The following DNAH14 variants were observed in gnomAD, a reference collection of about 807,000 sequenced individuals.
DNAH14 encodes the protein dynein axonemal heavy chain 14.
DNAH14 carries 478 observed loss-of-function variants against 520.9 expected under a neutral mutation model. That is an observed-to-expected ratio of 0.92 (90% CI 0.85 to 0.99). The LOEUF (loss-of-function observed/expected upper bound fraction) is 0.99, where lower values mean the gene tolerates loss of function less well. Ranked by LOEUF, DNAH14 falls within the 50% of genes least tolerant of loss-of-function variation. DNAH14 has a pLI of 0.00. For synonymous variants in DNAH14, 1,581 were observed against 1,757.2 expected (o/e 0.90, Z 2.51); for missense variants, 4,831 against 5,234.5 (o/e 0.92, Z 2.38).
At chr1:225,043,276 G>GGAA (rs373672094) in intron 13 of DNAH14, among the ~76,000 whole-genome samples, 162 bp downstream of exon 13, 48 of 98,170 alleles carry the variant, frequency 4.9e-4, no homozygotes, top group Non-Finnish European at 7.1e-4. Flanking sequence ...GTCTCTTGGG[G>GGAA]AAAAAAAAAA....
At chr1:225,009,691 T>C (rs2064532443) in intron 10 of DNAH14, among the ~76,000 whole-genome samples, 1 of 152,248 alleles carries the variant, frequency 6.6e-6, no homozygotes, top group Admixed American at 6.5e-5. Context: ...TAAATTACTT[T>C]GGGAAGTATG....
chr1:225,300,890 A>C lies in DNAH14; in HGVS notation c.8491A>C (p.Asn2831His). ...IEQDSFLEDL[N>H]YIISSGRIPD... ...TAAGGACTCATTTTTAGAAGATTTG[A>C]ACTACATCATCAGTTCAGGAAGAAT... The change falls in exon 56 of 86, where the codon AAC (asparagine) becomes CAC (histidine). Residue 2831 changes from asparagine (N) to histidine (H), a missense_variant. Transcript: ENST00000682510. 1 of 1,550,624 alleles carries C rather than the reference A, an allele frequency of 6.4e-7. No individual in the cohort carries two copies. Among genetic ancestry groups the C allele is most frequent in the Non-Finnish European group, 8.7e-7 (1 of 1,146,742 alleles).
intron 23 of DNAH14, among the ~76,000 whole-genome samples, chr1:225,101,732 TACC>T (rs1476699362): frequency 2.0e-5 from 3 of 152,192 alleles, no homozygotes; most frequent in Non-Finnish European, 4.4e-5. Flanking sequence ...TTTGTATATA[TACC>T]ACATTTTCTT....
In DNAH14 at chr1:225,272,017, A is replaced by G; in HGVS notation, c.7783A>G (p.Met2595Val). ...TATATACCATCAAGTACGTCAGAAT[A>G]TGTTACCAACTCCAACAAAATGTCA... The part of the protein sequence containing the change: ...LAIYHQVRQN[M>V]LPTPTKCHYM... Residue 2595 changes from methionine (M) to valine (V), a missense_variant, in exon 51 of 86, where the codon ATG becomes GTG. Coordinates refer to ENST00000682510, the MANE Select transcript of DNAH14 (RefSeq NM_001367479.1). 6.4e-7 allele frequency: 1 copy of G among 1,550,890 alleles called. No individual in the cohort carries two copies.
intron 54 of DNAH14, among the ~76,000 whole-genome samples, chr1:225,278,963 T>C (rs2093560664): frequency 6.6e-6 from 1 of 152,110 alleles, no homozygotes; most frequent in African/African-American, 2.4e-5. Context: ...TCTGATCCTA[T>C]TACTGTTGGG....
At chr1:224,954,844 C>T in intron 2 of DNAH14, 115 bp from the exon 3 acceptor site, 1 of 721,290 alleles carries the variant, frequency 1.4e-6, no homozygotes. Context: ...ATTTATTAAA[C>T]CTAAGAAGCT....
chr1:225,323,673 G>T (rs1263761347), intron 62 of DNAH14, among the ~76,000 whole-genome samples: 1 of 152,130 alleles, frequency 6.6e-6, no homozygotes, highest in Non-Finnish European at 1.5e-5. Context: ...ATGTTGGTCA[G>T]GCTGGTCTTG....
rs1261989204 is a variant in DNAH14, at chr1:225,144,556, C to T, written c.4668C>T (p.His1556=). 3 of 1,551,398 alleles carry T rather than the reference C, an allele frequency of 1.9e-6. No homozygotes were observed. The African/African-American group carries it at 4.1e-5, about 21-fold the overall frequency. The change falls in exon 29 of 86, where the codon CAC becomes CAT. Residue 1556 remains histidine (H), a synonymous_variant. Transcript: ENST00000682510. ...GGCTGACTCTCATGGAAGCACTACACTTGAATCTAGGAGGCTGTCCTGCCG... is the reference window on the plus strand; with the variant it reads ...GGCTGACTCTCATGGAAGCACTACATTTGAATCTAGGAGGCTGTCCTGCCG... ...RCWLTLMEAL[H]LNLGGCPAGP... is the part of the protein sequence containing the mutation.
intron 41 of DNAH14, among the ~76,000 whole-genome samples, chr1:225,209,585 T>A (rs536557072): frequency 6.6e-6 from 1 of 152,108 alleles, no homozygotes; most frequent in African/African-American, 2.4e-5. Context: ...AAAGAACGAT[T>A]CTAAGAAATT....
chr1:225,201,979 G>A (rs1010325435), intron 38 of DNAH14, among the ~76,000 whole-genome samples: 12 of 149,226 alleles, frequency 8.0e-5, no homozygotes, highest in Non-Finnish European at 1.5e-4. Flanking sequence ...AGGTTCAAGC[G>A]ATTCTCCTGC....
intron 84 of DNAH14, among the ~76,000 whole-genome samples, chr1:225,394,060 T>A (rs369961429): frequency 2.0e-5 from 3 of 151,996 alleles, no homozygotes; most frequent in Non-Finnish European, 4.4e-5. Context: ...GACCTCGTGA[T>A]CCCCCTGCTC....
In DNAH14 at chr1:225,206,105, A is replaced by C. The variant is rs1229493040; in HGVS notation, c.6112A>C (p.Arg2038=). 1 of 1,551,436 alleles carries C rather than the reference A, an allele frequency of 6.4e-7. No individual in the cohort carries two copies. The highest frequency in any genetic ancestry group is 1.4e-5 in the African/African-American group (1 of 73,062). Residue 2038 remains arginine, a synonymous_variant, in exon 40 of 86, where the codon AGA becomes CGA. Coordinates refer to ENST00000682510, the MANE Select transcript of DNAH14 (RefSeq NM_001367479.1). ...GAGAATAGCTTTAACTAATAAAATA[A>C]GAGTGATTTTTGAAGTGGACAATCT... is the stretch of plus-strand genomic sequence containing the variant. ...SERIALTNKI[R]VIFEVDNLSQ...
intron 34 of DNAH14, among the ~76,000 whole-genome samples, chr1:225,156,972 C>G (rs1343707914): frequency 3.7e-5 from 4 of 109,400 alleles, no homozygotes; most frequent in Admixed American, 9.5e-5. Context: ...GCCTCGGCCT[C>G]CCGAAGTGCT....
chr1:225,200,334 A>G (rs2086663187), intron 38 of DNAH14, among the ~76,000 whole-genome samples: 1 of 152,134 alleles, frequency 6.6e-6, no homozygotes, highest in Non-Finnish European at 1.5e-5. Context: ...ATTCAATGTT[A>G]GTATTGAGTT....
At chr1:225,057,842 C>T (rs1265709931) in intron 17 of DNAH14, among the ~76,000 whole-genome samples, 2 of 152,126 alleles carry the variant, frequency 1.3e-5, no homozygotes, top group South Asian at 4.1e-4. Context: ...TATTGATTTT[C>T]GTATGTTGAA....
intron 3 of DNAH14, among the ~76,000 whole-genome samples, chr1:224,957,615 T>A (rs139626098): frequency 2.2e-4 from 34 of 152,020 alleles, no homozygotes; most frequent in African/African-American, 7.7e-4. Flanking sequence ...AAAGACAGAG[T>A]GTGAGGTGTC....
chr1:224,955,516 C>T (rs1415841744), intron 3 of DNAH14, among the ~76,000 whole-genome samples: 1 of 152,092 alleles, frequency 6.6e-6, no homozygotes, highest in Non-Finnish European at 1.5e-5. Flanking sequence ...CACATACTTC[C>T]ATTTTTTAAG....
At chr1:224,941,553 G>T (rs1193059587) in intron 1 of DNAH14, among the ~76,000 whole-genome samples, 2 of 152,160 alleles carry the variant, frequency 1.3e-5, no homozygotes, top group Non-Finnish European at 2.9e-5. Flanking sequence ...TTTGGCTTTT[G>T]TTGCCATCAC....
At chr1:224,936,329 A>G (rs1451628543) in intron 1 of DNAH14, among the ~76,000 whole-genome samples, 2 of 151,722 alleles carry the variant, frequency 1.3e-5, no homozygotes, top group Non-Finnish European at 3.0e-5. Context: ...CCAGCAAGAC[A>G]AACCAGAAAA....
Sources: gnomAD v4.1 joint callset for allele counts (sites outside exome capture counted in the v4.1 genomes callset) on GRCh38, gnomAD v4.1.1 for gene constraint, MANE v1.5 for transcripts, NCBI Gene and HGNC (gene_info 2026-07-23, HGNC 2026-07-21) for gene names.